Variants in SLC12A2 observed in about 807,000 individuals in gnomAD.
The protein encoded by SLC12A2 is Na-K-2Cl cotransporter 1.
A neutral mutation model predicts 136.3 loss-of-function variants in SLC12A2; 67 were observed. That is an observed-to-expected ratio of 0.49 (90% CI 0.40 to 0.60). The LOEUF (loss-of-function observed/expected upper bound fraction) is 0.60, where lower values mean the gene tolerates loss of function less well. SLC12A2 is among the 20% of genes least tolerant of loss of function. SLC12A2 has a pLI of 0.00. For missense variants in SLC12A2, 1,322 were observed against 1,534.7 expected (o/e 0.86, Z 2.32); for synonymous variants, 619 against 562.9 (o/e 1.10, Z -1.41).
At chr5:128,184,655 A>T in intron 25 of SLC12A2, 134 bp from the exon 26 acceptor site, 1 of 1,465,076 alleles carries the variant, frequency 6.8e-7, no homozygotes, top group South Asian at 1.3e-5. Flanking sequence ...TTTAAAAAAA[A>T]TAAAAATAGA....
chr5:128,090,091 T>G (rs1230631978), intron 1 of SLC12A2, among the ~76,000 whole-genome samples: 1 of 152,214 alleles, frequency 6.6e-6, no homozygotes, highest in East Asian at 1.9e-4. Context: ...GAAGTCAGGC[T>G]TACCCATAAT....
intron 5 of SLC12A2, among the ~76,000 whole-genome samples, chr5:128,132,773 A>G (rs1287074377): frequency 6.6e-6 from 1 of 152,182 alleles, no homozygotes; most frequent in Non-Finnish European, 1.5e-5. Context: ...CTATAATACC[A>G]TGAGTAAGCA....
At chr5:128,133,014 T>C (rs1762076867) in intron 5 of SLC12A2, among the ~76,000 whole-genome samples, 1 of 152,092 alleles carries the variant, frequency 6.6e-6, no homozygotes, top group Admixed American at 6.5e-5. Flanking sequence ...TCTATTACAA[T>C]CATAGTCCAT....
chr5:128,113,896 A>T (rs1276987542), intron 2 of SLC12A2, among the ~76,000 whole-genome samples: 1 of 152,194 alleles, frequency 6.6e-6, no homozygotes, highest in Non-Finnish European at 1.5e-5. Context: ...CTACTTTTTT[A>T]AAGGGCTGAA....
At chr5:128,107,067 T>C (rs1760965104) in intron 1 of SLC12A2, among the ~76,000 whole-genome samples, 1 of 152,230 alleles carries the variant, frequency 6.6e-6, no homozygotes, top group South Asian at 2.1e-4. Context: ...TTAAAGTTTG[T>C]TGAATTAACT....
At chr5:128,134,119 A>T in intron 5 of SLC12A2, 46 bp from the exon 6 acceptor site, 1 of 1,008,332 alleles carries the variant, frequency 9.9e-7, no homozygotes, top group Admixed American at 1.8e-5. Context: ...GAATGTGTAT[A>T]AAAATAACTA....
intron 6 of SLC12A2, among the ~76,000 whole-genome samples, chr5:128,134,736 TA>T (rs1242369304): frequency 2.6e-5 from 4 of 152,074 alleles, no homozygotes; most frequent in Non-Finnish European, 5.9e-5. Context: ...AAAAAATTGC[TA>T]AAGTCACATG....
At chr5:128,163,992 C>T (rs1763123844) in intron 17 of SLC12A2, among the ~76,000 whole-genome samples, 1 of 152,132 alleles carries the variant, frequency 6.6e-6, no homozygotes, top group South Asian at 2.1e-4. Flanking sequence ...GTAAATCTTG[C>T]TTCCTTTATA....
chr5:128,182,177 A>G (rs528178737), intron 23 of SLC12A2, among the ~76,000 whole-genome samples: 1 of 152,268 alleles, frequency 6.6e-6, no homozygotes, highest in South Asian at 2.1e-4. Context: ...AACCTATAGC[A>G]GATCTGTTTT....
chr5:128,182,759 TG>T, intron 23 of SLC12A2, 95 bp from the exon 24 acceptor site: 1 of 806,210 alleles, frequency 1.2e-6, no homozygotes, highest in Non-Finnish European at 2.0e-6. Flanking sequence ...TATGATAGAC[TG>T]ACTTTTTCTA....
rs1225391685 is a variant in SLC12A2 at position 128,114,452 on chromosome 5, T to G, written c.953-134T>G. The G allele has an allele frequency of 7.1e-6, 6 of 839,166 alleles. No individual in the cohort carries two copies. In the African/African-American group the frequency reaches 1.0e-4, roughly 14 times the overall value. The allele number at this position is 839,166 out of a possible 1,614,324, so 52.0% of individuals were successfully genotyped here. A position where few individuals can be genotyped will look rare whatever the true frequency, so the allele number is the denominator to read the frequency against. Reference sequence around the variant, plus strand: ...TTTTTCATAATTCTGATTTGGTTTTTATAAAATGAGATCAAAATTGGGTAA... The same window carrying G: ...TTTTTCATAATTCTGATTTGGTTTTGATAAAATGAGATCAAAATTGGGTAA... On this transcript the variant is annotated intron_variant, in intron 3 of 26. Transcript: ENST00000262461.
intron 1 of SLC12A2, among the ~76,000 whole-genome samples, chr5:128,088,588 G>A (rs1408082201): frequency 1.3e-5 from 2 of 151,980 alleles, no homozygotes; most frequent in Non-Finnish European, 2.9e-5. Flanking sequence ...TTACTATTTT[G>A]TGTTTTACTA....
Position 128,148,781 on chromosome 5 carries a change from G to A in SLC12A2, c.1909G>A (p.Ala637Thr). ...QALCKDNIYPAFQMFAKGYGK... is the reference protein window; with the variant it reads ...QALCKDNIYPTFQMFAKGYGK... ...TCTATGTAAGGACAACATCTACCCAGCTTTCCAGATGTTTGCTAAAGGTTA... is the reference window on the plus strand; with the variant it reads ...TCTATGTAAGGACAACATCTACCCAACTTTCCAGATGTTTGCTAAAGGTTA... Residue 637 changes from alanine (A) to threonine (T), a missense_variant, in exon 12 of 27, where the codon GCT becomes ACT. By Grantham distance (58) the Ala-to-Thr change is moderately conservative. Coordinates refer to ENST00000262461, the MANE Select transcript of SLC12A2 (RefSeq NM_001046.3). 6.2e-7 allele frequency: 1 copy of A among 1,604,964 alleles called. No homozygotes were observed. Among genetic ancestry groups the A allele is most frequent in the South Asian group, 1.1e-5 (1 of 89,406 alleles).
intron 9 of SLC12A2, among the ~76,000 whole-genome samples, chr5:128,140,824 AC>A (rs1474972358): frequency 1.3e-5 from 2 of 151,964 alleles, no homozygotes; most frequent in East Asian, 3.9e-4. Flanking sequence ...TTTCAGAGGT[AC>A]CTTTATGGAA....
intron 16 of SLC12A2, 110 bp downstream of exon 16, chr5:128,158,274 T>G: frequency 2.6e-6 from 2 of 772,080 alleles, no homozygotes; most frequent in Non-Finnish European, 4.1e-6. Context: ...TCACAGGGGT[T>G]TGGTGTACAG....
At position 128,084,746 on chromosome 5, in the gene SLC12A2, C is replaced by G. The variant is rs2126630984; in HGVS notation, c.756+36C>G. 2 of 1,509,030 alleles carry G rather than the reference C, an allele frequency of 1.3e-6. No individual in the cohort carries two copies. The highest frequency in any genetic ancestry group is 4.9e-5 in the East Asian group (2 of 41,010). 93.5% of individuals were successfully genotyped at this position (1,509,030 alleles called of 1,614,324 possible). A position where few individuals can be genotyped will look rare whatever the true frequency, so the allele number is the denominator to read the frequency against. On this transcript the variant is annotated intron_variant, in intron 1 of 26. Coordinates refer to ENST00000262461, the MANE Select transcript of SLC12A2 (RefSeq NM_001046.3). The surrounding 1 kb of genome is among the most constrained non-coding windows in gnomAD (Gnocchi z 5.6). ...CCAGCCCTCCCTTCTTCCCCAGCCC[C>G]TGGTGCATGCCGACCGCGGGATGTG...
chr5:128,116,791 A>G (rs1325947828), intron 4 of SLC12A2, among the ~76,000 whole-genome samples: 3 of 152,216 alleles, frequency 2.0e-5, no homozygotes, highest in East Asian at 1.9e-4. Context: ...TAGAATATGT[A>G]TGAGCTGCAT....
At chr5:128,136,774 C>T (rs1414110243) in intron 7 of SLC12A2, among the ~76,000 whole-genome samples, 1 of 152,132 alleles carries the variant, frequency 6.6e-6, no homozygotes, top group Non-Finnish European at 1.5e-5. Flanking sequence ...GACCTTCTAA[C>T]TATACACTCT....
At chr5:128,126,953 TATATATATA>T (rs1761817690) in intron 4 of SLC12A2, among the ~76,000 whole-genome samples, 1 of 32,580 alleles carries the variant, frequency 3.1e-5, no homozygotes, top group Non-Finnish European at 5.7e-5. Context: ...TATATATATA[TATATATATA>T]TATATTTTTT....
Sources: allele counts gnomAD v4.1 joint callset (sites outside exome capture counted in the v4.1 genomes callset), GRCh38; gene constraint gnomAD v4.1.1; non-coding constraint Gnocchi (gnomAD v3.1); transcripts MANE v1.5; gene names NCBI Gene and HGNC (gene_info 2026-07-23, HGNC 2026-07-21).